The following ICE2 variants were observed in gnomAD, a reference collection of about 807,000 sequenced individuals.
ICE2 encodes the protein little elongation complex subunit 2.
A neutral mutation model predicts 105.4 loss-of-function variants in ICE2; 87 were observed. The ratio of observed to expected loss-of-function variants is 0.83; its 90% confidence interval spans 0.69 to 0.99. The LOEUF is 0.99. ICE2 is among the 50% of genes least tolerant of loss of function. ICE2 has a pLI of 0.00. For missense variants in ICE2, 1,323 were observed against 1,146.7 expected (o/e 1.15, Z -2.22); for synonymous variants, 399 against 392.0 (o/e 1.02, Z -0.21).
At chr15:60,464,127 T>G (rs2064355562) in intron 5 of ICE2, among the ~76,000 whole-genome samples, 1 of 152,176 alleles carries the variant, frequency 6.6e-6, no homozygotes, top group African/African-American at 2.4e-5. Flanking sequence ...CAGTGAATCT[T>G]TGGGATGGGG....
rs1289983823 is a variant in ICE2 at position 60,447,069 on chromosome 15, GAAGT to G, written c.2295+897_2295+900del. 4.6e-5 allele frequency among the ~76,000 whole-genome samples: 7 copies of G among 151,980 alleles called. No homozygotes were observed. In the East Asian group the frequency reaches 5.8e-4, roughly 13 times the overall value. ...TTTCAAATATGAAAAATTTTTAAAAGAAGTAATTACTCAAATTGCAGCAATACAT... is the reference window on the plus strand; with the variant it reads ...TTTCAAATATGAAAAATTTTTAAAAGAATTACTCAAATTGCAGCAATACAT... On this transcript the variant is annotated intron_variant, in intron 11 of 15. Transcript: ENST00000261520.
In ICE2 at chr15:60,466,682, G is replaced by A. The variant is rs2064439375; in HGVS notation, c.440C>T (p.Thr147Ile). ...ATTCTGCAAAAACTTTAGGAACTCA[G>A]TAACTTCTTCGTTCACATGTTTTTT... ...DMKKHVNEEV[T>I]EFLKFLQNSA... The change falls in exon 5 of 16, where the codon ACT (threonine) becomes ATT (isoleucine). Residue 147 changes from threonine (T) to isoleucine (I), a missense_variant. Coordinates refer to ENST00000261520, the MANE Select transcript of ICE2 (RefSeq NM_024611.6). 6.2e-7 allele frequency: 1 copy of A among 1,609,182 alleles called. No individual in the cohort carries two copies. The highest frequency in any genetic ancestry group is 1.1e-5 in the South Asian group (1 of 90,722).
chr15:60,438,472 A>G (rs1395141586), intron 12 of ICE2: 1 of 152,202 alleles, frequency 6.6e-6, no homozygotes, highest in African/African-American at 2.4e-5. Context: ...CCTACTTATT[A>G]TATGTAACAC....
intron 12 of ICE2, chr15:60,441,073 T>C (rs2063709554): frequency 6.6e-6 from 1 of 152,172 alleles, no homozygotes; most frequent in South Asian, 2.1e-4. Flanking sequence ...TTAAACAAAA[T>C]TTCACTCGTA....
At chr15:60,429,010 C>G (rs2063397796) in intron 14 of ICE2, among the ~76,000 whole-genome samples, 2 of 152,108 alleles carry the variant, frequency 1.3e-5, no homozygotes, top group Admixed American at 1.3e-4. Context: ...TTATAGGTAT[C>G]TATACTGAAA....
chr15:60,465,705 T>G (rs2064404629), intron 5 of ICE2, among the ~76,000 whole-genome samples: 1 of 151,670 alleles, frequency 6.6e-6, no homozygotes, highest in Non-Finnish European at 1.5e-5. Flanking sequence ...CAAATATGTG[T>G]GTGTGTATAT....
rs1478393562 is a variant in ICE2 at position 60,468,134 on chromosome 15, A to G, written c.335T>C (p.Leu112Ser). 1 of 1,614,050 alleles carries G rather than the reference A, an allele frequency of 6.2e-7. No individual in the cohort carries two copies. The highest frequency in any genetic ancestry group is 1.1e-5 in the South Asian group (1 of 91,054). The part of the protein sequence containing the change: ...QREQRSYVDL[L>S]VKYAKIPANS... ...TGCAGGAATCTTTGCGTATTTAACC[A>G]ACAAGTCCACATAACTCCTCTGCTC... The change falls in exon 4 of 16, where the codon TTG becomes TCG. Residue 112 changes from leucine (L) to serine (S), a missense_variant. Transcript: ENST00000261520.
At chr15:60,472,168 T>C (rs2064618275) in intron 3 of ICE2, among the ~76,000 whole-genome samples, 2 of 152,138 alleles carry the variant, frequency 1.3e-5, no homozygotes, top group South Asian at 4.1e-4. Flanking sequence ...TAATTTTTTT[T>C]CATGCTTCAA....
rs1481713761 is a variant in ICE2 at position 60,476,151 on chromosome 15, T to C, written c.58A>G (p.Asn20Asp). Residue 20 changes from asparagine to aspartate, a missense_variant, in exon 3 of 16, where the codon AAT becomes GAT. Coordinates refer to ENST00000261520, the MANE Select transcript of ICE2 (RefSeq NM_024611.6). Reference sequence around the variant, plus strand: ...CGAGAGAAAAATGTCTTAAGGCCATTTTTGGGGGAAATATCCCTGTGAAAC... The same window carrying C: ...CGAGAGAAAAATGTCTTAAGGCCATCTTTGGGGGAAATATCCCTGTGAAAC... ...PGLNWDISPK[N>D]GLKTFFSREN... 1.9e-6 allele frequency: 3 copies of C among 1,600,020 alleles called. No individual in the cohort carries two copies. Among genetic ancestry groups the C allele is most frequent in the Non-Finnish European group, 2.6e-6 (3 of 1,174,250 alleles).
intron 11 of ICE2, among the ~76,000 whole-genome samples, chr15:60,446,148 T>G (rs2063817685): frequency 6.6e-6 from 1 of 152,230 alleles, no homozygotes; most frequent in South Asian, 2.1e-4. Flanking sequence ...CCATTTGGTT[T>G]CTAAAATTTC....
rs1453107842 is a variant in ICE2, at chr15:60,479,001, ACCT to A, written c.-94_-93+1del. On this transcript the variant is annotated splice_donor_variant and 5_prime_UTR_variant, in exon 1 of 16. Coordinates refer to ENST00000261520, the MANE Select transcript of ICE2 (RefSeq NM_024611.6). LOFTEE classifies it low-confidence loss of function (5UTR_SPLICE). Reference sequence around the variant, plus strand: ...GGGCTGCAACACAGCCTTTCCGCCCACCTCATGGTCCGCGGCGGCTCTTGCCCA... The same window carrying A: ...GGGCTGCAACACAGCCTTTCCGCCCACATGGTCCGCGGCGGCTCTTGCCCA... 1 of 455,782 alleles carries A rather than the reference ACCT, an allele frequency of 2.2e-6. No homozygotes were observed. Among genetic ancestry groups the A allele is most frequent in the South Asian group, 1.5e-5 (1 of 64,534 alleles). 28.2% of individuals were successfully genotyped at this position (455,782 alleles called of 1,614,324 possible). A position where few individuals can be genotyped will look rare whatever the true frequency, so the allele number is the denominator to read the frequency against.
At chr15:60,465,389 T>C (rs147422988) in intron 5 of ICE2, among the ~76,000 whole-genome samples, 93 of 152,276 alleles carry the variant, frequency 6.1e-4, no homozygotes, top group African/African-American at 2.2e-3. Flanking sequence ...TGGGATTTTA[T>C]TATGTTGCCC....
chr15:60,453,729 C>T lies in ICE2; in HGVS notation c.999G>A (p.Met333Ile), dbSNP rs2064025325. 1 of 1,605,710 alleles carries T rather than the reference C, an allele frequency of 6.2e-7. No homozygotes were observed. Among genetic ancestry groups the T allele is most frequent in the African/African-American group, 1.3e-5 (1 of 74,732 alleles). ...YINSPLPQKK[M>I]TMRERNQIFH... is the part of the protein sequence containing the mutation. ...AGATTTGATTTCTCTCTCTCATAGT[C>T]ATTTTCTTTTGGGGAAGTGGTGAAT... The change falls in exon 9 of 16, where the codon ATG becomes ATA. Residue 333 changes from methionine to isoleucine, a missense_variant. Physicochemically the swap from Met to Ile is conservative, Grantham distance 10 (BLOSUM62 1). Transcript: ENST00000261520.
At chr15:60,441,369 C>T (rs2063716496) in intron 12 of ICE2, 1 of 152,078 alleles carries the variant, frequency 6.6e-6, no homozygotes. Context: ...TTAACCAAAA[C>T]AGGAAAAAAC....
Position 60,453,701 on chromosome 15 carries a change from G to A in ICE2, c.1027C>T (p.His343Tyr), listed in dbSNP as rs765401005. The change falls in exon 9 of 16, where the codon CAT becomes TAT. Residue 343 changes from histidine to tyrosine, a missense_variant. Coordinates refer to ENST00000261520, the MANE Select transcript of ICE2 (RefSeq NM_024611.6). The part of the protein sequence containing the change: ...MTMRERNQIF[H>Y]EVPLKFMMSK... ...ATCATAAATTTTAATGGAACTTCATGAAAGATTTGATTTCTCTCTCTCATA... is the reference window on the plus strand; with the variant it reads ...ATCATAAATTTTAATGGAACTTCATAAAAGATTTGATTTCTCTCTCTCATA... The A allele has an allele frequency of 1.9e-6, 3 of 1,611,822 alleles. No homozygotes were observed. The highest frequency in any genetic ancestry group is 2.5e-6 in the Non-Finnish European group (3 of 1,178,008).
At position 60,479,017 on chromosome 15, in the gene ICE2, C is replaced by G. The variant is rs1159038078; in HGVS notation, c.-107G>C. On this transcript the variant is annotated 5_prime_UTR_variant, in exon 1 of 16. Transcript: ENST00000261520. ...TTTCCGCCCACCTCATGGTCCGCGGCGGCTCTTGCCCAGGCCGCAGCCACA... is the reference window on the plus strand; with the variant it reads ...TTTCCGCCCACCTCATGGTCCGCGGGGGCTCTTGCCCAGGCCGCAGCCACA... The G allele has an allele frequency of 8.8e-6, 4 of 455,892 alleles. No individual in the cohort carries two copies. Among genetic ancestry groups the G allele is most frequent in the Non-Finnish European group, 1.8e-5 (4 of 226,754 alleles). The allele number at this position is 455,892 out of a possible 1,614,324, so 28.2% of individuals were successfully genotyped here.
chr15:60,470,438 T>C (rs1248906792), intron 3 of ICE2, among the ~76,000 whole-genome samples: 3 of 152,094 alleles, frequency 2.0e-5, no homozygotes, highest in Non-Finnish European at 4.4e-5. Context: ...TGTAGGTGTA[T>C]TTGGATTGTC....
At position 60,456,603 on chromosome 15, in the gene ICE2, ACACACACT is replaced by A. The variant is rs1410494520; in HGVS notation, c.666+46_666+53del. 4.6e-5 allele frequency: 37 copies of A among 797,030 alleles called. 3 individuals carry two copies. Among genetic ancestry groups the A allele is most frequent in the Middle Eastern group, 4.1e-4 (1 of 2,434 alleles). The allele number at this position is 797,030 out of a possible 1,614,324, so 49.4% of individuals were successfully genotyped here. A position where few individuals can be genotyped will look rare whatever the true frequency, so the allele number is the denominator to read the frequency against. On this transcript the variant is annotated intron_variant, in intron 6 of 15. Coordinates refer to ENST00000261520, the MANE Select transcript of ICE2 (RefSeq NM_024611.6). ...TATATATACACACACACACACACAC[ACACACACT>A]ATTTCAGACAAAAAAAAGCTTATAT... is the stretch of plus-strand genomic sequence containing the variant.
intron 13 of ICE2, among the ~76,000 whole-genome samples, chr15:60,435,280 C>CA (rs2063558684): frequency 6.8e-6 from 1 of 147,548 alleles, no homozygotes; most frequent in Admixed American, 6.8e-5. Flanking sequence ...GACTCCGTCT[C>CA]AAAAAACAAA....
Sources: allele counts gnomAD v4.1 joint callset (sites outside exome capture counted in the v4.1 genomes callset), GRCh38; gene constraint gnomAD v4.1.1; transcripts MANE v1.5; gene names NCBI Gene and HGNC (gene_info 2026-07-23, HGNC 2026-07-21).